Variants in CPNE8 observed in about 807,000 individuals in gnomAD.
CPNE8 encodes copine 8.
Under a neutral mutation model 81.5 loss-of-function variants are expected in CPNE8, and 45 were observed. The ratio of observed to expected loss-of-function variants is 0.55; its 90% CI spans 0.44 to 0.71. The LOEUF (loss-of-function observed/expected upper bound fraction) is 0.71, where lower values mean the gene tolerates loss of function less well. Among genes scored for constraint, CPNE8 ranks in the 30% least tolerant of loss-of-function variants. CPNE8 has a pLI of 0.00. For synonymous variants in CPNE8, 252 were observed against 226.3 expected (o/e 1.11, Z -1.02); for missense variants, 594 against 672.1 (o/e 0.88, Z 1.28).
At position 38,659,918 on chromosome 12, in the gene CPNE8, G is replaced by A. The variant is rs536426733; in HGVS notation, c.1507-5848C>T. On this transcript the variant is annotated intron_variant, in intron 19 of 19. Coordinates refer to ENST00000331366, the MANE Select transcript of CPNE8 (RefSeq NM_153634.3). ...AATCCAACTTACAAGGGATGTGAAG[G>A]ACCTCTTCAAGGAGAACTACAAACC... Among the ~76,000 whole-genome samples, 327 of 152,220 alleles carry A rather than the reference G, an allele frequency of 2.1e-3. 9 individuals are homozygous for A. Among genetic ancestry groups the A allele is most frequent in the Admixed American group, 0.021 (322 of 15,286 alleles).
rs139339794 is a variant in CPNE8 at position 38,847,512 on chromosome 12, C to A, written c.290+1047G>T. ...TCATTTCAGTTTCTCTTCCAATGAG[C>A]CTCATTTTTACTATTTGCAAAGGAG... On this transcript the variant is annotated intron_variant, in intron 4 of 19. Transcript: ENST00000331366. Among the ~76,000 whole-genome samples, 5 of 152,236 alleles carry A rather than the reference C, an allele frequency of 3.3e-5. No homozygotes were observed. In the East Asian group the frequency reaches 9.6e-4, roughly 29 times the overall value.
At chr12:38,717,429 G>GTATA (rs57044387) in intron 13 of CPNE8, among the ~76,000 whole-genome samples, 1,834 of 86,918 alleles carry the variant, frequency 0.021, 75 homozygotes, top group Middle Eastern at 0.035. Flanking sequence ...AAAGTGTGGT[G>GTATA]TATATATATA....
intron 1 of CPNE8, among the ~76,000 whole-genome samples, chr12:38,891,965 A>T (rs1221467599): frequency 6.6e-6 from 1 of 152,240 alleles, no homozygotes; most frequent in Non-Finnish European, 1.5e-5. Flanking sequence ...AACCTAAAAA[A>T]TTTTAAGTCA....
At chr12:38,741,087 A>G (rs1368585210) in intron 10 of CPNE8, among the ~76,000 whole-genome samples, 2 of 152,066 alleles carry the variant, frequency 1.3e-5, no homozygotes, top group Admixed American at 6.6e-5. Flanking sequence ...AATCAATATC[A>G]TGAAAATGGC....
intron 13 of CPNE8, among the ~76,000 whole-genome samples, chr12:38,719,596 A>AG (rs1940500737): frequency 2.0e-5 from 3 of 151,330 alleles, no homozygotes; most frequent in African/African-American, 7.3e-5. Flanking sequence ...AAAAAAAAAA[A>AG]AAAAAGAAAG....
chr12:38,798,802 C>T (rs1228242530), intron 6 of CPNE8, among the ~76,000 whole-genome samples: 4 of 152,062 alleles, frequency 2.6e-5, no homozygotes, highest in Non-Finnish European at 5.9e-5. Flanking sequence ...TTCAGGAAAC[C>T]TATCTCACAT....
At chr12:38,733,673 C>G (rs1369172482) in intron 10 of CPNE8, among the ~76,000 whole-genome samples, 1 of 151,868 alleles carries the variant, frequency 6.6e-6, no homozygotes, top group Non-Finnish European at 1.5e-5. Context: ...CTCTATTTTT[C>G]CCCTACCTTT....
At chr12:38,663,449 A>G (rs961775304) in intron 19 of CPNE8, among the ~76,000 whole-genome samples, 1 of 152,130 alleles carries the variant, frequency 6.6e-6, no homozygotes, top group Non-Finnish European at 1.5e-5. Flanking sequence ...TCAAAACCAC[A>G]ATGAGATATC....
In CPNE8 at chr12:38,723,810, T is replaced by C. The variant is rs1440502697; in HGVS notation, c.876A>G (p.Val292=). ...AGTCAAGGAATGAAACTTCTGTTTC[T>C]ACCAAGAAAGAGAGTAAAGTTACCT... is the stretch of plus-strand genomic sequence containing the variant. The part of the protein sequence containing the change: ...SGTVTLLSFL[V]ETEVSFLDYI... The change falls in exon 13 of 20, where the codon GTA becomes GTG. Residue 292 remains valine, a synonymous_variant. Coordinates refer to ENST00000331366, the MANE Select transcript of CPNE8 (RefSeq NM_153634.3). 2 of 1,589,628 alleles carry C rather than the reference T, an allele frequency of 1.3e-6. No homozygotes were observed. Among genetic ancestry groups the C allele is most frequent in the East Asian group, 2.2e-5 (1 of 44,654 alleles).
intron 3 of CPNE8, among the ~76,000 whole-genome samples, chr12:38,870,699 G>A (rs182396963): frequency 1.8e-4 from 28 of 151,864 alleles, no homozygotes; most frequent in Admixed American, 1.6e-3. Flanking sequence ...GTAGATGACG[G>A]GTTGACAGGT....
chr12:38,708,169 A>G (rs1205055544), intron 13 of CPNE8, among the ~76,000 whole-genome samples: 1 of 152,194 alleles, frequency 6.6e-6, no homozygotes, highest in East Asian at 1.9e-4. Flanking sequence ...TATTTAGAAA[A>G]TATTAACTGA....
chr12:38,829,164 C>G (rs894596898), intron 6 of CPNE8, among the ~76,000 whole-genome samples: 2 of 152,140 alleles, frequency 1.3e-5, no homozygotes, highest in Non-Finnish European at 2.9e-5. Context: ...TAAATTTGCT[C>G]ATTTCATCTT....
intron 11 of CPNE8, among the ~76,000 whole-genome samples, chr12:38,729,066 T>G (rs1396759170): frequency 6.6e-6 from 1 of 152,060 alleles, no homozygotes; most frequent in East Asian, 1.9e-4. Context: ...GAGAAAATGC[T>G]ACAAAAGCTA....
At chr12:38,838,779 T>C (rs1943424007) in intron 5 of CPNE8, among the ~76,000 whole-genome samples, 1 of 152,086 alleles carries the variant, frequency 6.6e-6, no homozygotes, top group Admixed American at 6.5e-5. Flanking sequence ...GTATGCTTCA[T>C]AACACAAATA....
intron 6 of CPNE8, among the ~76,000 whole-genome samples, chr12:38,824,381 AGTTT>A (rs1303493061): frequency 6.6e-6 from 1 of 152,134 alleles, no homozygotes; most frequent in Non-Finnish European, 1.5e-5. Context: ...CGTTGTCAAA[AGTTT>A]GATTGATATT....
At chr12:38,897,868 A>T (rs116636140) in intron 1 of CPNE8, among the ~76,000 whole-genome samples, 2,324 of 152,164 alleles carry the variant, frequency 0.015, 51 homozygotes, top group African/African-American at 0.052. Context: ...AACTTATTTA[A>T]TCCTCAAAGC....
At chr12:38,779,461 T>C (rs1361144146) in intron 6 of CPNE8, among the ~76,000 whole-genome samples, 1 of 152,160 alleles carries the variant, frequency 6.6e-6, no homozygotes, top group Non-Finnish European at 1.5e-5. Context: ...ATTCACTTTA[T>C]GAGCCTAAAA....
chr12:38,807,629 G>C (rs1942840604), intron 6 of CPNE8, among the ~76,000 whole-genome samples: 1 of 151,674 alleles, frequency 6.6e-6, no homozygotes. Context: ...TTAAACGTTA[G>C]ACCTAAAACC....
intron 1 of CPNE8, among the ~76,000 whole-genome samples, chr12:38,882,431 A>C (rs1275127169): frequency 2.6e-5 from 4 of 152,206 alleles, no homozygotes; most frequent in Admixed American, 2.6e-4. Flanking sequence ...CAGCCCGGCA[A>C]TACTGATTTA....
Sources: allele counts gnomAD v4.1 joint callset (sites outside exome capture counted in the v4.1 genomes callset), GRCh38; gene constraint gnomAD v4.1.1; transcripts MANE v1.5; gene names NCBI Gene and HGNC (gene_info 2026-07-23, HGNC 2026-07-21).